The following CTDSPL2 variants were observed in gnomAD, a reference collection of about 807,000 sequenced individuals.
CTDSPL2 encodes the protein CTD small phosphatase like 2.
CTDSPL2 carries 5 observed loss-of-function variants against 60.0 expected under a neutral mutation model. The ratio of observed to expected loss-of-function variants is 0.08; its 90% CI spans 0.04 to 0.18. The LOEUF (loss-of-function observed/expected upper bound fraction) is 0.18. CTDSPL2 is among the 10% of genes least tolerant of loss of function. The probability of loss-of-function intolerance (pLI) is 1.00; values close to 1 mark genes in which losing one functional copy is unlikely to be tolerated. For missense variants in CTDSPL2, 370 were observed against 548.8 expected, an observed-to-expected ratio of 0.67 and a Z score of 3.26; for synonymous variants, 186 against 189.3, an observed-to-expected ratio of 0.98 and a Z score of 0.14.
intron 1 of CTDSPL2, among the ~76,000 whole-genome samples, chr15:44,432,845 T>A (rs1181808953): frequency 6.6e-6 from 1 of 151,774 alleles, no homozygotes; most frequent in Non-Finnish European, 1.5e-5. Context: ...GGTCTCGAAC[T>A]GCTGACCTCA....
chr15:44,489,707 A>G (rs2081184737), intron 4 of CTDSPL2, among the ~76,000 whole-genome samples: 1 of 152,222 alleles, frequency 6.6e-6, no homozygotes, highest in Non-Finnish European at 1.5e-5. Flanking sequence ...TAACAACTAG[A>G]AAAAATACTG....
intron 10 of CTDSPL2, 133 bp from the exon 11 acceptor site, chr15:44,519,036 T>A: frequency 2.0e-6 from 1 of 504,708 alleles, no homozygotes. Context: ...AGACCCATAT[T>A]TGTGTTTGAA....
intron 1 of CTDSPL2, among the ~76,000 whole-genome samples, chr15:44,431,958 A>G (rs2141252036): frequency 6.6e-6 from 1 of 151,878 alleles, no homozygotes; most frequent in Middle Eastern, 3.4e-3. Context: ...TCCTGACCTG[A>G]AGTGATCCAC....
chr15:44,473,847 G>C (rs926962313), intron 2 of CTDSPL2, among the ~76,000 whole-genome samples: 4 of 152,138 alleles, frequency 2.6e-5, no homozygotes, highest in East Asian at 3.9e-4. Flanking sequence ...ATTTGATATT[G>C]TAAGTCTTTT....
chr15:44,472,567 C>A (rs1463158466), intron 2 of CTDSPL2, among the ~76,000 whole-genome samples: 7 of 146,544 alleles, frequency 4.8e-5, no homozygotes, highest in Non-Finnish European at 6.0e-5. Context: ...GGCATGATCT[C>A]GGTTCATTGC....
intron 2 of CTDSPL2, among the ~76,000 whole-genome samples, chr15:44,471,919 G>T (rs942394065): frequency 3.3e-5 from 5 of 151,230 alleles, no homozygotes; most frequent in Admixed American, 1.3e-4. Flanking sequence ...CATCCATGGT[G>T]CATTTGTTCT....
intron 1 of CTDSPL2, among the ~76,000 whole-genome samples, chr15:44,442,462 A>AAGAT (rs1463358106): frequency 2.0e-5 from 3 of 151,916 alleles, no homozygotes; most frequent in Admixed American, 2.0e-4. Context: ...AAAAAAAAAA[A>AAGAT]AGATAGATAA....
At chr15:44,486,059 A>G (rs1347034365) in intron 3 of CTDSPL2, among the ~76,000 whole-genome samples, 1 of 152,108 alleles carries the variant, frequency 6.6e-6, no homozygotes, top group Non-Finnish European at 1.5e-5. Context: ...TCCATAAGTA[A>G]TTTTTGACAC....
intron 1 of CTDSPL2, among the ~76,000 whole-genome samples, chr15:44,433,115 G>C (rs1173913944): frequency 6.6e-6 from 1 of 151,136 alleles, no homozygotes; most frequent in African/African-American, 2.4e-5. Context: ...AGGAGTTCGA[G>C]ACCAGCCTGG....
chr15:44,477,898 T>C (rs1239076745), intron 2 of CTDSPL2, among the ~76,000 whole-genome samples: 1 of 152,192 alleles, frequency 6.6e-6, no homozygotes, highest in African/African-American at 2.4e-5. Context: ...TTTTCCATTA[T>C]GTTATTCACC....
intron 2 of CTDSPL2, among the ~76,000 whole-genome samples, chr15:44,481,901 T>C (rs1033632099): frequency 1.1e-4 from 16 of 152,286 alleles, no homozygotes; most frequent in African/African-American, 3.9e-4. Flanking sequence ...AAACTGATAA[T>C]CTGCAGCAGA....
intron 7 of CTDSPL2, among the ~76,000 whole-genome samples, chr15:44,497,346 T>C (rs535030340): frequency 1.3e-5 from 2 of 152,274 alleles, no homozygotes; most frequent in Non-Finnish European, 1.5e-5. Context: ...AATACACTTT[T>C]TATTAATAGT....
At chr15:44,516,595 C>T (rs2081658019) in intron 10 of CTDSPL2, 1 of 152,190 alleles carries the variant, frequency 6.6e-6, no homozygotes, top group Non-Finnish European at 1.5e-5. Context: ...TTGATGACTT[C>T]ATTCATTATA....
chr15:44,436,609 ACTGGAAACTGAGTGTGTCCAC>A (rs2079986871), intron 1 of CTDSPL2, among the ~76,000 whole-genome samples: 3 of 152,228 alleles, frequency 2.0e-5, no homozygotes, highest in Admixed American at 2.0e-4. Flanking sequence ...TAGATTAAGG[ACTGGAAACTGAGTGTGTCCAC>A]CTCTTAGTCT....
intron 1 of CTDSPL2, among the ~76,000 whole-genome samples, chr15:44,454,464 C>T (rs1347849502): frequency 3.3e-5 from 5 of 152,052 alleles, no homozygotes; most frequent in Non-Finnish European, 7.4e-5. Context: ...GCTTTTGTTG[C>T]CATTGCTTTT....
chr15:44,473,994 A>G (rs1419683561), intron 2 of CTDSPL2, among the ~76,000 whole-genome samples: 1 of 152,012 alleles, frequency 6.6e-6, no homozygotes, highest in Non-Finnish European at 1.5e-5. Context: ...ACACCGGGCT[A>G]ATTTTTATAT....
intron 7 of CTDSPL2, among the ~76,000 whole-genome samples, chr15:44,498,985 A>T (rs2081345622): frequency 6.6e-6 from 1 of 152,198 alleles, no homozygotes; most frequent in Non-Finnish European, 1.5e-5. Context: ...TAATAATTAG[A>T]TTCTACACTT....
chr15:44,516,610 T>C (rs1365801625), intron 10 of CTDSPL2: 1 of 152,218 alleles, frequency 6.6e-6, no homozygotes, highest in Non-Finnish European at 1.5e-5. Context: ...ATTATAATGA[T>C]TTCTGTTCAG....
chr15:44,484,565 T>A (rs1378388079), intron 3 of CTDSPL2, among the ~76,000 whole-genome samples: 1 of 152,158 alleles, frequency 6.6e-6, no homozygotes, highest in Non-Finnish European at 1.5e-5. Context: ...CAAAACCCCG[T>A]CTCTATTAAA....
Sources: gnomAD v4.1 joint callset for allele counts (sites outside exome capture counted in the v4.1 genomes callset) on GRCh38, gnomAD v4.1.1 for gene constraint, MANE v1.5 for transcripts, NCBI Gene and HGNC (gene_info 2026-07-23, HGNC 2026-07-21) for gene names.